Variants in DNER observed in about 807,000 individuals in gnomAD.
DNER encodes the protein delta/notch like EGF repeat containing.
In DNER, 33 loss-of-function variants were observed where a neutral mutation model predicts 78.2. That is an observed-to-expected ratio of 0.42 (90% confidence interval 0.32 to 0.56). The LOEUF (loss-of-function observed/expected upper bound fraction) is 0.56, where lower values mean the gene tolerates loss of function less well. DNER is among the 20% of genes least tolerant of loss of function. The probability of loss-of-function intolerance (pLI) is 0.11; values close to 1 mark genes in which losing one functional copy is unlikely to be tolerated. For missense variants in DNER, 918 were observed against 975.3 expected (o/e 0.94, Z 0.78); for synonymous variants, 417 against 384.8 (o/e 1.08, Z -0.98).
chr2:229,564,512 A>C (rs915414761), intron 4 of DNER, among the ~76,000 whole-genome samples: 2 of 147,228 alleles, frequency 1.4e-5, no homozygotes, highest in Non-Finnish European at 3.0e-5. Context: ...CATCATCATC[A>C]TCCTCCTTAC....
At chr2:229,523,562 C>T (rs1234874064) in intron 5 of DNER, among the ~76,000 whole-genome samples, 1 of 152,204 alleles carries the variant, frequency 6.6e-6, no homozygotes, top group African/African-American at 2.4e-5. Context: ...GACCTCATTT[C>T]ACTTTACCTC....
intron 8 of DNER, among the ~76,000 whole-genome samples, chr2:229,441,230 T>C (rs977777948): frequency 2.0e-5 from 3 of 152,084 alleles, no homozygotes; most frequent in African/African-American, 4.8e-5. Context: ...GTCCAACTCA[T>C]TGGAAATTCT....
chr2:229,535,976 A>G (rs878897919), intron 5 of DNER, among the ~76,000 whole-genome samples: 1 of 152,216 alleles, frequency 6.6e-6, no homozygotes, highest in African/African-American at 2.4e-5. Flanking sequence ...GATGAGTTCA[A>G]AGAAGGAATG....
chr2:229,418,625 G>A (rs1693698541), intron 8 of DNER, among the ~76,000 whole-genome samples: 1 of 152,000 alleles, frequency 6.6e-6, no homozygotes, highest in South Asian at 2.1e-4. Flanking sequence ...GTGAGAACCT[G>A]GCTCGGTGTG....
intron 11 of DNER, among the ~76,000 whole-genome samples, chr2:229,382,133 T>G (rs1247575695): frequency 6.6e-6 from 1 of 152,024 alleles, no homozygotes; most frequent in African/African-American, 2.4e-5. Flanking sequence ...TGGTCTGGAG[T>G]GGACCTCCAG....
chr2:229,639,968 C>G (rs1028322525), intron 1 of DNER, among the ~76,000 whole-genome samples: 1 of 152,182 alleles, frequency 6.6e-6, no homozygotes, highest in Non-Finnish European at 1.5e-5. Context: ...ATCTTAATTA[C>G]AAGCATATAT....
chr2:229,605,528 T>C (rs188922206), intron 1 of DNER, among the ~76,000 whole-genome samples: 2 of 152,334 alleles, frequency 1.3e-5, no homozygotes, highest in Non-Finnish European at 2.9e-5. Context: ...CTGGGAAAAC[T>C]GTCAGAAAAG....
Position 229,447,356 on chromosome 2 carries a change from G to A in DNER, c.1446C>T (p.Cys482=). ...ATTTGTAGCTGGTGCCCACGCTGCG[G>A]CACGTGCCATGAGCACAGGGGCTGA... ...CALSPCAHGT[C]RSVGTSYKCL... The change falls in exon 8 of 13, where the codon TGC becomes TGT. Residue 482 remains cysteine, a synonymous_variant. Transcript: ENST00000341772. 1 of 1,610,874 alleles carries A rather than the reference G, an allele frequency of 6.2e-7. No homozygotes were observed.
chr2:229,500,740 T>C (rs1230849982), intron 6 of DNER, among the ~76,000 whole-genome samples: 1 of 151,250 alleles, frequency 6.6e-6, no homozygotes, highest in Non-Finnish European at 1.5e-5. Flanking sequence ...GGGGAACAGA[T>C]TGTGTATGGT....
intron 7 of DNER, among the ~76,000 whole-genome samples, chr2:229,466,923 C>G (rs1413998995): frequency 6.6e-6 from 1 of 152,052 alleles, no homozygotes; most frequent in African/African-American, 2.4e-5. Context: ...GATTTTTCTC[C>G]TGGGGTTGGA....
chr2:229,505,177 A>AGTGTGTGTGTGTGTGTGT lies in DNER; in HGVS notation c.1147+7588_1147+7605dup, dbSNP rs144321798. 9.2e-3 allele frequency among the ~76,000 whole-genome samples: 1,160 copies of AGTGTGTGTGTGTGTGTGT among 126,470 alleles called. 19 individuals carry two copies. Among genetic ancestry groups the AGTGTGTGTGTGTGTGTGT allele is most frequent in the Middle Eastern group, 0.016 (4 of 246 alleles). The allele number at this position is 126,470 out of a possible 152,430, so 83.0% of individuals were successfully genotyped here. A position where few individuals can be genotyped will look rare whatever the true frequency, so the allele number is the denominator to read the frequency against. ...AGGCTTGAGGATTATGTGTTGCTGC[A>AGTGTGTGTGTGTGTGTGT]GTGTGTGTGTGTGTGTGTGTGTGTG... On this transcript the variant is annotated intron_variant, in intron 6 of 12. Coordinates refer to ENST00000341772, the MANE Select transcript of DNER (RefSeq NM_139072.4).
At chr2:229,589,442 A>G (rs767418951) in intron 2 of DNER, among the ~76,000 whole-genome samples, 35 of 152,202 alleles carry the variant, frequency 2.3e-4, no homozygotes, top group Admixed American at 1.0e-3. Flanking sequence ...CAAGCCTCTA[A>G]GTCTCCAAAT....
chr2:229,559,445 C>T (rs1285406169), intron 4 of DNER, among the ~76,000 whole-genome samples: 1 of 152,024 alleles, frequency 6.6e-6, no homozygotes, highest in Non-Finnish European at 1.5e-5. Flanking sequence ...CATTATTTTC[C>T]CAAAGCAGAG....
chr2:229,587,820 G>A (rs1016121955), intron 3 of DNER, among the ~76,000 whole-genome samples: 4 of 151,988 alleles, frequency 2.6e-5, no homozygotes, highest in Admixed American at 1.3e-4. Flanking sequence ...ACACATATCA[G>A]GTCTCAACCA....
chr2:229,383,354 C>T (rs964833217), intron 11 of DNER, among the ~76,000 whole-genome samples: 1 of 152,204 alleles, frequency 6.6e-6, no homozygotes, highest in African/African-American at 2.4e-5. Flanking sequence ...ACTGTATCAA[C>T]TAACGGGCAA....
chr2:229,539,394 C>A (rs142862032), intron 5 of DNER, among the ~76,000 whole-genome samples: 15 of 152,276 alleles, frequency 9.9e-5, no homozygotes, highest in Non-Finnish European at 1.9e-4. Context: ...TTTTCCTGAC[C>A]TACTTCTTTT....
chr2:229,474,753 A>C (rs1384652262), intron 7 of DNER, among the ~76,000 whole-genome samples: 1 of 152,128 alleles, frequency 6.6e-6, no homozygotes, highest in Non-Finnish European at 1.5e-5. Context: ...AACCCACTGC[A>C]AAGCCCCAGA....
chr2:229,388,457 T>A, intron 10 of DNER, 61 bp from the exon 11 acceptor site: 1 of 1,516,604 alleles, frequency 6.6e-7, no homozygotes. Context: ...GTCATTTTTC[T>A]GGCCAAAAAA....
chr2:229,566,150 G>A (rs934444648), intron 4 of DNER, among the ~76,000 whole-genome samples: 3 of 152,150 alleles, frequency 2.0e-5, no homozygotes, highest in South Asian at 2.1e-4. Flanking sequence ...TAGGGAGTCC[G>A]GGAATCAGGT....
Sources: gnomAD v4.1 joint callset for allele counts (sites outside exome capture counted in the v4.1 genomes callset) on GRCh38, gnomAD v4.1.1 for gene constraint, MANE v1.5 for transcripts, NCBI Gene and HGNC (gene_info 2026-07-23, HGNC 2026-07-21) for gene names.